Variants in ADGRF4 observed in about 807,000 individuals in gnomAD.
ADGRF4 encodes G-protein coupled receptor PGR18.
A neutral mutation model predicts 58.5 loss-of-function variants in ADGRF4; 63 were observed. That is an observed-to-expected ratio of 1.08 (90% CI 0.88 to 1.33). The LOEUF (loss-of-function observed/expected upper bound fraction) is 1.33, where lower values mean the gene tolerates loss of function less well. Ranked by LOEUF, ADGRF4 falls within the 40% of genes most tolerant of loss-of-function variation. The pLI is 0.00. For synonymous variants in ADGRF4, 313 were observed against 295.4 expected (o/e 1.06, Z -0.61); for missense variants, 931 against 843.9 (o/e 1.10, Z -1.28).
At chr6:47,706,323 G>A (rs986681728) in intron 1 of ADGRF4, among the ~76,000 whole-genome samples, 2 of 152,160 alleles carry the variant, frequency 1.3e-5, no homozygotes, top group African/African-American at 4.8e-5. Context: ...ACAGAGATAT[G>A]GCAAAAGAAT....
chr6:47,714,659 A>G lies in ADGRF4; in HGVS notation c.1414A>G (p.Met472Val), dbSNP rs1231432371. The G allele has an allele frequency of 1.2e-6, 2 of 1,614,068 alleles. No individual in the cohort carries two copies. The highest frequency in any genetic ancestry group is 1.7e-6 in the Non-Finnish European group (2 of 1,180,036). The change falls in exon 6 of 10, where the codon ATG (methionine) becomes GTG (valine). Residue 472 changes from methionine to valine, a missense_variant. Physicochemically the swap from Met to Val is conservative, Grantham distance 21. Coordinates refer to ENST00000283303, the MANE Select transcript of ADGRF4 (RefSeq NM_153838.5). Reference sequence around the variant, plus strand: ...TAACATTAAGGCCCAGGACTACAACATGTGTGTTGCAGTGACATTTTTCAG... The same window carrying G: ...TAACATTAAGGCCCAGGACTACAACGTGTGTGTTGCAGTGACATTTTTCAG... ...HFNIKAQDYN[M>V]CVAVTFFSHF...
At chr6:47,712,054 GTTC>G (rs1339661403) in intron 4 of ADGRF4, among the ~76,000 whole-genome samples, 1 of 152,126 alleles carries the variant, frequency 6.6e-6, no homozygotes, top group African/African-American at 2.4e-5. Flanking sequence ...ATTCCATGTG[GTTC>G]TTCTTTCCCT....
intron 9 of ADGRF4, among the ~76,000 whole-genome samples, 200 bp from the exon 10 acceptor site, chr6:47,721,009 G>A (rs1197024184): frequency 6.6e-6 from 1 of 152,172 alleles, no homozygotes; most frequent in Non-Finnish European, 1.5e-5. Context: ...AAAAATTGCA[G>A]CTGGGAGAAT....
intron 9 of ADGRF4, among the ~76,000 whole-genome samples, chr6:47,720,879 A>G (rs895567407): frequency 4.6e-5 from 7 of 152,202 alleles, no homozygotes; most frequent in African/African-American, 1.4e-4. Context: ...ACGGTTTACA[A>G]TGTAAATTCA....
chr6:47,704,200 T>C (rs1192253029), intron 1 of ADGRF4, among the ~76,000 whole-genome samples: 1 of 152,022 alleles, frequency 6.6e-6, no homozygotes, highest in African/African-American at 2.4e-5. Flanking sequence ...CCCACCACCA[T>C]GCCTCGCTAA....
intron 1 of ADGRF4, among the ~76,000 whole-genome samples, chr6:47,705,181 C>T (rs186541861): frequency 3.8e-3 from 576 of 152,332 alleles, no homozygotes; most frequent in Middle Eastern, 0.014. Flanking sequence ...CCCACCTCGG[C>T]CTCCCAAAGT....
chr6:47,709,122 C>G (rs1198650741), intron 3 of ADGRF4, among the ~76,000 whole-genome samples: 1 of 150,890 alleles, frequency 6.6e-6, no homozygotes, highest in Non-Finnish European at 1.5e-5. Context: ...ATTCAGTCAT[C>G]ACAGAGCTGC....
In ADGRF4 at chr6:47,714,493, G is replaced by T; in HGVS notation, c.1248G>T (p.Leu416Phe). ...GGCTCAGCGTCTCAATCCTAAGCTT[G>T]GTTCTTTGCCTGATCATTGAAGCCA... Reference protein sequence around the residue: ...CIGLSVSILSLVLCLIIEATV... With the variant: ...CIGLSVSILSFVLCLIIEATV... The change falls in exon 6 of 10, where the codon TTG (leucine) becomes TTT (phenylalanine). Residue 416 changes from leucine to phenylalanine, a missense_variant. Physicochemically the swap from Leu to Phe is conservative, Grantham distance 22. Transcript: ENST00000283303. The T allele has an allele frequency of 6.2e-7, 1 of 1,614,104 alleles. No homozygotes were observed. The highest frequency in any genetic ancestry group is 8.5e-7 in the Non-Finnish European group (1 of 1,180,004).
rs148215446 is a variant in ADGRF4, at chr6:47,719,497, G to A, written c.*3+1052G>A. On this transcript the variant is annotated intron_variant, in intron 9 of 9. Transcript: ENST00000283303. ...CATTTCCTAGTCTGTCAGCTTCCTC[G>A]GGGATGAAACATCGCTATAACGTTT... Among the ~76,000 whole-genome samples the A allele has an allele frequency of 7.2e-5, 11 of 152,242 alleles. No homozygotes were observed. The East Asian group carries it at 1.7e-3, about 24-fold the overall frequency.
At chr6:47,705,628 G>T (rs915161949) in intron 1 of ADGRF4, among the ~76,000 whole-genome samples, 3 of 152,180 alleles carry the variant, frequency 2.0e-5, no homozygotes, top group Admixed American at 1.3e-4. Context: ...AGTGCCTGTG[G>T]CTTGTCATCT....
chr6:47,718,651 C>T (rs112469750), intron 9 of ADGRF4, among the ~76,000 whole-genome samples: 2 of 100,256 alleles, frequency 2.0e-5, no homozygotes, highest in African/African-American at 6.4e-5. Flanking sequence ...CCTATGTCAT[C>T]TCAGCTTACA....
intron 3 of ADGRF4, among the ~76,000 whole-genome samples, chr6:47,708,569 G>A (rs899346886): frequency 1.1e-4 from 16 of 152,188 alleles, no homozygotes; most frequent in South Asian, 4.1e-4. Flanking sequence ...TTAACAGGAG[G>A]CAGAAAAGGA....
At chr6:47,715,360 G>T in intron 6 of ADGRF4, 183 bp downstream of exon 6, 1 of 532,892 alleles carries the variant, frequency 1.9e-6, no homozygotes, top group South Asian at 3.1e-5. Context: ...AGGGTGGTTG[G>T]GTGGAAATCT....
intron 1 of ADGRF4, 96 bp from the exon 2 acceptor site, chr6:47,707,134 T>C (rs1374653341): frequency 1.1e-5 from 8 of 744,026 alleles, no homozygotes; most frequent in Non-Finnish European, 2.0e-5. Context: ...TCAGAGTATC[T>C]AGTGGGTTCA....
At chr6:47,699,320 A>C (rs549163258) in intron 1 of ADGRF4, among the ~76,000 whole-genome samples, 2 of 152,312 alleles carry the variant, frequency 1.3e-5, no homozygotes, top group East Asian at 3.9e-4. Flanking sequence ...TATTCCTTAT[A>C]CTCTGAAGAC....
At chr6:47,704,140 C>A (rs1771651582) in intron 1 of ADGRF4, among the ~76,000 whole-genome samples, 1 of 151,828 alleles carries the variant, frequency 6.6e-6, no homozygotes, top group Non-Finnish European at 1.5e-5. Context: ...ACCTCCTCCT[C>A]CTGGGTTCAG....
chr6:47,701,995 C>T lies in ADGRF4; in HGVS notation c.-17+3201C>T, dbSNP rs759298534. ...CTGGCATTATAGGTATGCACCACCA[C>T]GCCTGGCTCATTTTTTTGTATTTAG... On this transcript the variant is annotated intron_variant, in intron 1 of 9. Coordinates refer to ENST00000283303, the MANE Select transcript of ADGRF4 (RefSeq NM_153838.5). Among the ~76,000 whole-genome samples the T allele has an allele frequency of 5.9e-5, 9 of 152,240 alleles. No individual in the cohort carries two copies. The South Asian group carries it at 8.3e-4, about 14-fold the overall frequency.
rs572464261 is a variant in ADGRF4, at chr6:47,708,130, C to T, written c.94-94C>T. 54 of 891,038 alleles carry T rather than the reference C, an allele frequency of 6.1e-5. No homozygotes were observed. The African/African-American group carries it at 7.1e-4, about 12-fold the overall frequency. The allele number at this position is 891,038 out of a possible 1,614,324, so 55.2% of individuals were successfully genotyped here. A position where few individuals can be genotyped will look rare whatever the true frequency, so the allele number is the denominator to read the frequency against. On this transcript the variant is annotated intron_variant, in intron 2 of 9. Coordinates refer to ENST00000283303, the MANE Select transcript of ADGRF4 (RefSeq NM_153838.5). The stretch of plus-strand genomic sequence containing the variant: ...GCAGTTTTCTTTCTAGTCCTGAACA[C>T]ATTTTCTTTTCATATTCATATGGAG...
rs1561870506 is a variant in ADGRF4 at position 47,717,210 on chromosome 6, T to G, written c.1975-82T>G. 3.2e-6 allele frequency: 3 copies of G among 944,246 alleles called. No individual in the cohort carries two copies. In the East Asian group the frequency reaches 7.2e-5, roughly 23 times the overall value. The allele number at this position is 944,246 out of a possible 1,614,324, so 58.5% of individuals were successfully genotyped here. On this transcript the variant is annotated intron_variant, in intron 7 of 9. Coordinates refer to ENST00000283303, the MANE Select transcript of ADGRF4 (RefSeq NM_153838.5). The stretch of plus-strand genomic sequence containing the variant: ...CTGATATTGCTTCTGCCAGGGTTAC[T>G]GGTCTTAAAGTTTCAGGACAGGCAA...
Sources: allele counts gnomAD v4.1 joint callset (sites outside exome capture counted in the v4.1 genomes callset), GRCh38; gene constraint gnomAD v4.1.1; transcripts MANE v1.5; gene names NCBI Gene and HGNC (gene_info 2026-07-23, HGNC 2026-07-21).